ZNRF2: variants seen among roughly 807,000 people sequenced by gnomAD.
The protein encoded by ZNRF2 is E3 ubiquitin-protein ligase ZNRF2.
A neutral mutation model predicts 20.4 loss-of-function variants in ZNRF2; 16 were observed. That is an observed-to-expected ratio of 0.79 (90% confidence interval 0.53 to 1.19). The LOEUF is 1.19. Ranked by LOEUF, ZNRF2 falls within the 50% of genes most tolerant of loss-of-function variation. ZNRF2 has a pLI of 0.00. For synonymous variants in ZNRF2, 178 were observed against 144.9 expected, an observed-to-expected ratio of 1.23 and a Z score of -1.64; for missense variants, 363 against 332.4, an observed-to-expected ratio of 1.09 and a Z score of -0.72.
At position 30,353,620 on chromosome 7, in the gene ZNRF2, A is replaced by C. The variant is rs888452116; in HGVS notation, c.566-2108A>C. Among the ~76,000 whole-genome samples, 95 of 152,104 alleles carry C rather than the reference A, an allele frequency of 6.2e-4. 5 individuals are homozygous for C. Among genetic ancestry groups the C allele is most frequent in the Non-Finnish European group, 4.4e-5 (3 of 67,974 alleles). On this transcript the variant is annotated intron_variant, in intron 2 of 4. Transcript: ENST00000323037. ...TTGGATTTGTCTTTGTTGTACTATA[A>C]ATTTTCTTATAAATAGGATAAAATG...
At chr7:30,349,947 A>G (rs1262330670) in intron 2 of ZNRF2, among the ~76,000 whole-genome samples, 2 of 152,098 alleles carry the variant, frequency 1.3e-5, no homozygotes, top group East Asian at 3.8e-4. Context: ...TTGATTTGTG[A>G]CAATGAGAGG....
intron 1 of ZNRF2, among the ~76,000 whole-genome samples, chr7:30,305,158 C>T (rs1447152276): frequency 1.3e-5 from 2 of 152,162 alleles, no homozygotes; most frequent in Non-Finnish European, 2.9e-5. Context: ...TGAAATAGGA[C>T]AGACTATTTA....
intron 1 of ZNRF2, among the ~76,000 whole-genome samples, chr7:30,309,055 T>A (rs1799251956): frequency 6.6e-6 from 1 of 152,186 alleles, no homozygotes; most frequent in East Asian, 1.9e-4. Flanking sequence ...ATAAATAAAT[T>A]CATATATAGA....
intron 2 of ZNRF2, among the ~76,000 whole-genome samples, chr7:30,345,190 G>A (rs944152536): frequency 4.1e-5 from 6 of 147,912 alleles, no homozygotes; most frequent in African/African-American, 8.0e-5. Context: ...TCCTTTTCTC[G>A]TTCTCTGTAG....
chr7:30,285,399 C>T lies in ZNRF2; in HGVS notation c.42C>T (p.Arg14=), dbSNP rs193160379. ...KQSGPAAANG[R]TRAYSGSDLP... is the part of the protein sequence containing the mutation. Reference sequence around the variant, plus strand: ...GCGGCCCGGCCGCCGCTAACGGCCGCACGCGCGCGTACTCGGGCTCGGATC... The same window carrying T: ...GCGGCCCGGCCGCCGCTAACGGCCGTACGCGCGCGTACTCGGGCTCGGATC... The change falls in exon 1 of 5, where the codon CGC becomes CGT. Residue 14 remains arginine (R), a synonymous_variant. Transcript: ENST00000323037. 0.029 allele frequency: 36,929 copies of T among 1,261,008 alleles called. 647 individuals carry two copies. The highest frequency in any genetic ancestry group is 0.034 in the Non-Finnish European group (33,456 of 986,426). 78.1% of individuals were successfully genotyped at this position (1,261,008 alleles called of 1,614,324 possible). A position where few individuals can be genotyped will look rare whatever the true frequency, so the allele number is the denominator to read the frequency against.
chr7:30,309,423 T>C (rs1799256673), intron 1 of ZNRF2, among the ~76,000 whole-genome samples: 1 of 152,188 alleles, frequency 6.6e-6, no homozygotes, highest in Admixed American at 6.5e-5. Context: ...ATGTCCTAGT[T>C]AAAGACTGGA....
chr7:30,356,211 C>A (rs577226918), intron 3 of ZNRF2, among the ~76,000 whole-genome samples: 1 of 152,008 alleles, frequency 6.6e-6, no homozygotes, highest in South Asian at 2.1e-4. Flanking sequence ...TTGGAATCTG[C>A]TTGACTCCAA....
chr7:30,304,342 GGATTTTGC>G (rs1799166953), intron 1 of ZNRF2, among the ~76,000 whole-genome samples: 2 of 152,138 alleles, frequency 1.3e-5, no homozygotes, highest in Admixed American at 1.3e-4. Flanking sequence ...TACATTTAAT[GGATTTTGC>G]CAGATTGCTT....
chr7:30,319,877 T>A (rs1353571565), intron 1 of ZNRF2, among the ~76,000 whole-genome samples: 2 of 152,232 alleles, frequency 1.3e-5, no homozygotes, highest in Non-Finnish European at 2.9e-5. Context: ...TACACCAAGA[T>A]GATCCTGCTG....
chr7:30,363,974 A>G (rs562239544), intron 4 of ZNRF2, among the ~76,000 whole-genome samples: 3 of 152,346 alleles, frequency 2.0e-5, no homozygotes, highest in East Asian at 3.9e-4. Context: ...CAGGGACTCA[A>G]GACAGTAACA....
At chr7:30,292,205 G>T (rs73685990) in intron 1 of ZNRF2, among the ~76,000 whole-genome samples, 24,178 of 152,152 alleles carry the variant, frequency 0.16, 5,150 homozygotes, top group African/African-American at 0.49. Flanking sequence ...TCCCACTGAT[G>T]TTGAAGTGTT....
chr7:30,310,176 A>C (rs903126825), intron 1 of ZNRF2, among the ~76,000 whole-genome samples: 1 of 152,232 alleles, frequency 6.6e-6, no homozygotes, highest in Non-Finnish European at 1.5e-5. Flanking sequence ...ATGGCTTGAG[A>C]ATAAACAGGT....
intron 2 of ZNRF2, among the ~76,000 whole-genome samples, chr7:30,345,353 C>T (rs1408031800): frequency 6.6e-6 from 1 of 151,854 alleles, no homozygotes; most frequent in Non-Finnish European, 1.5e-5. Context: ...CTTCAGGTTT[C>T]ATCCTCATTT....
intron 1 of ZNRF2, among the ~76,000 whole-genome samples, chr7:30,308,614 A>C (rs1799245034): frequency 2.0e-5 from 3 of 152,220 alleles, no homozygotes; most frequent in Admixed American, 1.3e-4. Flanking sequence ...ATATATACCT[A>C]GAAGTGGAAT....
chr7:30,336,687 CA>C (rs1799720550), intron 2 of ZNRF2, among the ~76,000 whole-genome samples: 1 of 151,874 alleles, frequency 6.6e-6, no homozygotes, highest in South Asian at 2.1e-4. Context: ...TTTAGGGGAG[CA>C]GGAAGATGTG....
intron 3 of ZNRF2, among the ~76,000 whole-genome samples, chr7:30,359,109 C>G (rs986013715): frequency 1.3e-5 from 2 of 152,110 alleles, no homozygotes; most frequent in African/African-American, 4.8e-5. Flanking sequence ...GAGTCCTTAT[C>G]TTGCATTTGA....
chr7:30,287,348 G>A (rs1029818411), intron 1 of ZNRF2, among the ~76,000 whole-genome samples: 1 of 152,188 alleles, frequency 6.6e-6, no homozygotes, highest in African/African-American at 2.4e-5. Context: ...GTGAAAATTT[G>A]CATTTAGCAA....
At chr7:30,325,130 G>A (rs1292328486) in intron 2 of ZNRF2, among the ~76,000 whole-genome samples, 1 of 148,576 alleles carries the variant, frequency 6.7e-6, no homozygotes, top group Non-Finnish European at 1.5e-5. Context: ...AATAGACTTG[G>A]GGGGGAAAAA....
intron 1 of ZNRF2, among the ~76,000 whole-genome samples, chr7:30,300,356 C>A (rs547672819): frequency 6.6e-6 from 1 of 151,930 alleles, no homozygotes; most frequent in South Asian, 2.1e-4. Flanking sequence ...ACCATGTTGG[C>A]CAGGATGGTC....
Sources: allele counts gnomAD v4.1 joint callset (sites outside exome capture counted in the v4.1 genomes callset), GRCh38; gene constraint gnomAD v4.1.1; transcripts MANE v1.5; gene names NCBI Gene and HGNC (gene_info 2026-07-23, HGNC 2026-07-21).